Variants in RXFP2 observed in about 807,000 individuals in gnomAD.
RXFP2 encodes relaxin family peptide receptor 2.
A neutral mutation model predicts 88.6 loss-of-function variants in RXFP2; 68 were observed. The ratio of observed to expected loss-of-function variants is 0.77; its 90% confidence interval spans 0.63 to 0.94. RXFP2 has a LOEUF of 0.94. RXFP2 is among the 40% of genes least tolerant of loss of function. The pLI, the probability that RXFP2 is intolerant of heterozygous loss-of-function variation, is 0.00. For synonymous variants in RXFP2, 329 were observed against 306.8 expected (o/e 1.07, Z -0.76); for missense variants, 791 against 893.9 (o/e 0.88, Z 1.47).
rs149567405 is a variant in RXFP2 at position 31,794,581 on chromosome 13, T to A, written c.1786+1493T>A. Reference sequence around the variant, plus strand: ...CTCACATCACACACAGGCTGATAAATGCCATCAAGGAAGAGTACAGAATGT... The same window carrying A: ...CTCACATCACACACAGGCTGATAAAAGCCATCAAGGAAGAGTACAGAATGT... On this transcript the variant is annotated intron_variant, in intron 16 of 17. Transcript: ENST00000298386. 6.6e-3 allele frequency among the ~76,000 whole-genome samples: 1,008 copies of A among 152,098 alleles called. 6 individuals are homozygous for A. The highest frequency in any genetic ancestry group is 0.01 in the Non-Finnish European group (711 of 67,992).
chr13:31,776,231 T>C (rs1593461526), intron 7 of RXFP2, among the ~76,000 whole-genome samples: 1 of 147,638 alleles, frequency 6.8e-6, no homozygotes, highest in South Asian at 2.1e-4. Flanking sequence ...CTTGCCTTCC[T>C]TTTTTCCTTC....
At chr13:31,742,923 T>C (rs1871272168) in intron 1 of RXFP2, among the ~76,000 whole-genome samples, 1 of 152,216 alleles carries the variant, frequency 6.6e-6, no homozygotes, top group Non-Finnish European at 1.5e-5. Flanking sequence ...ATAACAACAT[T>C]CTTTGGGTAA....
At position 31,739,792 on chromosome 13, in the gene RXFP2, T is replaced by C. The variant is rs1365980473; in HGVS notation, c.94+86T>C. On this transcript the variant is annotated intron_variant, in intron 1 of 17. Transcript: ENST00000298386. ...AGTTCTATGGCAGTTGTAATAAATATATTGGGGTGTTTAAAAAAAAAACAG... is the reference window on the plus strand; with the variant it reads ...AGTTCTATGGCAGTTGTAATAAATACATTGGGGTGTTTAAAAAAAAAACAG... 9.3e-6 allele frequency: 8 copies of C among 861,088 alleles called. No individual in the cohort carries two copies. The Admixed American group carries it at 1.2e-4, about 12-fold the overall frequency. 53.3% of individuals were successfully genotyped at this position (861,088 alleles called of 1,614,324 possible).
intron 16 of RXFP2, among the ~76,000 whole-genome samples, chr13:31,795,028 T>G (rs1873962146): frequency 6.6e-6 from 1 of 152,236 alleles, no homozygotes; most frequent in Non-Finnish European, 1.5e-5. Flanking sequence ...ATTAATTTTT[T>G]ATTTGAAAAT....
chr13:31,762,697 T>G (rs1376686869), intron 3 of RXFP2, among the ~76,000 whole-genome samples: 1 of 152,174 alleles, frequency 6.6e-6, no homozygotes, highest in Non-Finnish European at 1.5e-5. Flanking sequence ...TTATGTACTC[T>G]ATAATACCAG....
intron 11 of RXFP2, among the ~76,000 whole-genome samples, chr13:31,782,968 GT>G (rs899325084): frequency 2.0e-5 from 3 of 152,132 alleles, no homozygotes; most frequent in Non-Finnish European, 2.9e-5. Context: ...TTCTCTACTT[GT>G]TTTCTTTGGG....
chr13:31,788,362 C>T (rs1873647981), intron 13 of RXFP2, among the ~76,000 whole-genome samples: 1 of 152,070 alleles, frequency 6.6e-6, no homozygotes. Context: ...TCAAAATAAA[C>T]ATTAAAAGCA....
chr13:31,772,651 A>C (rs991870198), intron 5 of RXFP2, among the ~76,000 whole-genome samples: 1 of 152,208 alleles, frequency 6.6e-6, no homozygotes, highest in African/African-American at 2.4e-5. Context: ...CCTAAGTCTG[A>C]GACATGGAAC....
chr13:31,789,967 G>C (rs1486706455), intron 14 of RXFP2, among the ~76,000 whole-genome samples: 1 of 152,142 alleles, frequency 6.6e-6, no homozygotes, highest in African/African-American at 2.4e-5. Context: ...GGCACTATTA[G>C]ATAAATGTTT....
chr13:31,783,637 T>C (rs994456928), intron 11 of RXFP2, among the ~76,000 whole-genome samples: 3 of 152,214 alleles, frequency 2.0e-5, no homozygotes, highest in Non-Finnish European at 4.4e-5. Context: ...GGTACTGCAT[T>C]AGAACTGAAA....
intron 3 of RXFP2, among the ~76,000 whole-genome samples, chr13:31,763,712 A>C (rs1872409555): frequency 6.6e-6 from 1 of 152,142 alleles, no homozygotes; most frequent in South Asian, 2.1e-4. Flanking sequence ...TGAACAGTTA[A>C]TGCTCACATT....
At chr13:31,757,200 T>C (rs1247077571) in intron 1 of RXFP2, among the ~76,000 whole-genome samples, 1 of 152,208 alleles carries the variant, frequency 6.6e-6, no homozygotes, top group East Asian at 1.9e-4. Flanking sequence ...TAGTCCTGAT[T>C]TATGCTCCTT....
chr13:31,743,910 T>C (rs1470207893), intron 1 of RXFP2, among the ~76,000 whole-genome samples: 1 of 152,096 alleles, frequency 6.6e-6, no homozygotes, highest in East Asian at 1.9e-4. Context: ...ACCTGCTCCA[T>C]CCTGATTGGT....
chr13:31,741,269 T>C (rs74369739), intron 1 of RXFP2, among the ~76,000 whole-genome samples: 3,400 of 152,182 alleles, frequency 0.022, 118 homozygotes, highest in African/African-American at 0.078. Context: ...CTAACAAATA[T>C]TTATTGATTA....
At chr13:31,774,729 A>AGTCTTTGCTTAAAATT in intron 6 of RXFP2, 38 bp downstream of exon 6, 1 of 1,047,804 alleles carries the variant, frequency 9.5e-7, no homozygotes, top group South Asian at 1.3e-5. Flanking sequence ...GTATAATTTT[A>AGTCTTTGCTTAAAATT]AGCAAAGACT....
intron 11 of RXFP2, among the ~76,000 whole-genome samples, chr13:31,785,396 T>G (rs1355846049): frequency 6.6e-6 from 1 of 152,114 alleles, no homozygotes; most frequent in Admixed American, 6.5e-5. Context: ...GTTCAGATCA[T>G]TTTTTACACC....
intron 16 of RXFP2, among the ~76,000 whole-genome samples, chr13:31,793,952 C>T (rs1204024033): frequency 6.6e-6 from 1 of 152,154 alleles, no homozygotes; most frequent in Non-Finnish European, 1.5e-5. Flanking sequence ...TTACTGGTCT[C>T]GTAACCTCTG....
chr13:31,746,982 G>C (rs1871449504), intron 1 of RXFP2, among the ~76,000 whole-genome samples: 1 of 152,132 alleles, frequency 6.6e-6, no homozygotes, highest in African/African-American at 2.4e-5. Context: ...TCTACACTGA[G>C]TGTTACAGGA....
rs1873095426 is a variant in RXFP2, at chr13:31,778,409, T to C, written c.714-103T>C. ...AGCTATATATGTTATCATCATAAGATATTAATTTTAGCACGCAAGTTTTGA... is the reference window on the plus strand; with the variant it reads ...AGCTATATATGTTATCATCATAAGACATTAATTTTAGCACGCAAGTTTTGA... On this transcript the variant is annotated intron_variant, in intron 8 of 17. Transcript: ENST00000298386. 20 of 783,796 alleles carry C rather than the reference T, an allele frequency of 2.6e-5. No homozygotes were observed. The South Asian group carries it at 2.7e-4, about 11-fold the overall frequency. 48.6% of individuals were successfully genotyped at this position (783,796 alleles called of 1,614,324 possible). A position where few individuals can be genotyped will look rare whatever the true frequency, so the allele number is the denominator to read the frequency against.
Sources: gnomAD v4.1 joint callset for allele counts (sites outside exome capture counted in the v4.1 genomes callset) on GRCh38, gnomAD v4.1.1 for gene constraint, MANE v1.5 for transcripts, NCBI Gene and HGNC (gene_info 2026-07-23, HGNC 2026-07-21) for gene names.